Variants in FBN2 observed in about 807,000 individuals in gnomAD.
The protein encoded by FBN2 is fibrillin-2.
In FBN2, 105 loss-of-function variants were observed where a neutral mutation model predicts 355.6. The observed-to-expected ratio is 0.30, with a 90% confidence interval of 0.25 to 0.35. The LOEUF (loss-of-function observed/expected upper bound fraction) is 0.35, where lower values mean the gene tolerates loss of function less well. Ranked by LOEUF, FBN2 falls within the 10% of genes least tolerant of loss-of-function variation. The probability of loss-of-function intolerance (pLI) is 1.00; values close to 1 mark genes in which losing one functional copy is unlikely to be tolerated. For synonymous variants in FBN2, 1,350 were observed against 1,301.2 expected, an observed-to-expected ratio of 1.04 and a Z score of -0.81; for missense variants, 3,280 against 3,758.7, an observed-to-expected ratio of 0.87 and a Z score of 3.33.
intron 7 of FBN2, among the ~76,000 whole-genome samples, chr5:128,445,717 C>T (rs1754046355): frequency 6.6e-6 from 1 of 152,034 alleles, no homozygotes; most frequent in Non-Finnish European, 1.5e-5. Context: ...AAAAGATAAA[C>T]ATTGTATCAA....
chr5:128,283,484 CGGACATGGAGAACTTCCT>C (rs894338003), intron 55 of FBN2, among the ~76,000 whole-genome samples: 6 of 152,186 alleles, frequency 3.9e-5, no homozygotes, highest in Non-Finnish European at 8.8e-5. Flanking sequence ...GGACATCACA[CGGACATGGAGAACTTCCT>C]ATCTTGCTGG....
Position 128,258,390 on chromosome 5 carries a change from AAACAAC to A in FBN2, c.*1059_*1064del, listed in dbSNP as rs886059885. On this transcript the variant is annotated 3_prime_UTR_variant, in exon 65 of 65. Transcript: ENST00000262464. The stretch of plus-strand genomic sequence containing the variant: ...AAATTCTAAAAAAAAAATGGGTTTA[AAACAAC>A]AACAACAACATATATTCCTTGGCTG... 10 of 152,718 alleles carry A rather than the reference AAACAAC, an allele frequency of 6.5e-5. No homozygotes were observed. The highest frequency in any genetic ancestry group is 5.2e-4 in the Admixed American group (8 of 15,302). The allele number at this position is 152,718 out of a possible 1,614,324, so 9.5% of individuals were successfully genotyped here.
Position 128,391,224 on chromosome 5 carries a change from T to C in FBN2, c.1603+794A>G, listed in dbSNP as rs539457544. On this transcript the variant is annotated intron_variant, in intron 11 of 64. Coordinates refer to ENST00000262464, the MANE Select transcript of FBN2 (RefSeq NM_001999.4). ...ATAACCTCAATTATCTGAAAGTCTA[T>C]GCAATATTCCTCTTCTTTTCCATCT... Among the ~76,000 whole-genome samples the C allele has an allele frequency of 1.4e-4, 21 of 152,298 alleles. 1 individual carries two copies. Among genetic ancestry groups the C allele is most frequent in the African/African-American group, 5.1e-4 (21 of 41,572 alleles).
At chr5:128,280,170 A>G (rs1259668542) in intron 56 of FBN2, 22 bp downstream of exon 56, 39 of 1,593,512 alleles carry the variant, frequency 2.4e-5, no homozygotes, top group Non-Finnish European at 3.4e-5. Flanking sequence ...ACCAAGTATA[A>G]TATATTTGGA....
chr5:128,259,909 C>T (rs1764923642), intron 64 of FBN2, 80 bp from the exon 65 acceptor site: 1 of 1,486,488 alleles, frequency 6.7e-7, no homozygotes, highest in Admixed American at 1.7e-5. Flanking sequence ...GCTGCAGGGG[C>T]TTTGGTCACG....
intron 4 of FBN2, among the ~76,000 whole-genome samples, chr5:128,526,196 C>T (rs1756555030): frequency 1.3e-5 from 2 of 151,872 alleles, no homozygotes; most frequent in South Asian, 4.2e-4. Flanking sequence ...ACAATAAGTA[C>T]AACTTCACAT....
intron 62 of FBN2, among the ~76,000 whole-genome samples, chr5:128,264,086 G>C (rs1765054613): frequency 6.6e-6 from 1 of 152,138 alleles, no homozygotes; most frequent in African/African-American, 2.4e-5. Flanking sequence ...TGGAGGTGAT[G>C]AGAATGTTCG....
intron 5 of FBN2, among the ~76,000 whole-genome samples, chr5:128,465,313 G>A (rs561316241): frequency 1.8e-4 from 27 of 152,304 alleles, no homozygotes; most frequent in African/African-American, 6.0e-4. Flanking sequence ...ATGTCACACA[G>A]CACTGGTGGG....
At chr5:128,312,230 A>G (rs1278853541) in intron 37 of FBN2, among the ~76,000 whole-genome samples, 2 of 152,222 alleles carry the variant, frequency 1.3e-5, no homozygotes, top group Non-Finnish European at 2.9e-5. Flanking sequence ...AAGACTAGAG[A>G]AAACAGGCTT....
Position 128,345,410 on chromosome 5 carries a change from C to T in FBN2, c.3164G>A (p.Gly1055Glu). 1 of 1,614,132 alleles carries T rather than the reference C, an allele frequency of 6.2e-7. No individual in the cohort carries two copies. The highest frequency in any genetic ancestry group is 8.5e-7 in the Non-Finnish European group (1 of 1,180,026). Residue 1055 changes from glycine to glutamate, a missense_variant, in exon 24 of 65, where the codon GGG (glycine) becomes GAG (glutamate). This residue lies in a region of FBN2 where 2,284 missense variants were observed against 2,749.5 expected (regional missense o/e 0.83). Coordinates refer to ENST00000262464, the MANE Select transcript of FBN2 (RefSeq NM_001999.4). ...TKEYETLCPR[G>E]AGFANRGDVL... Reference sequence around the variant, plus strand: ...ATCCCCTCGGTTAGCAAAGCCAGCCCCGCGGGGGCACAGCGTCTCGTATTC... The same window carrying T: ...ATCCCCTCGGTTAGCAAAGCCAGCCTCGCGGGGGCACAGCGTCTCGTATTC...
At chr5:128,340,796 GCTCT>G (rs1255414810) in intron 25 of FBN2, among the ~76,000 whole-genome samples, 2 of 151,608 alleles carry the variant, frequency 1.3e-5, no homozygotes, top group South Asian at 2.1e-4. Flanking sequence ...CATAGAAAGT[GCTCT>G]CTCTTTCTCT....
intron 17 of FBN2, 100 bp downstream of exon 17, chr5:128,366,274 ATAC>A (rs1751764937): frequency 1.4e-5 from 8 of 589,218 alleles, no homozygotes; most frequent in East Asian, 6.3e-5. Context: ...TTATTTTATA[ATAC>A]TACATTTTCA....
chr5:128,528,634 G>C (rs567439059), intron 3 of FBN2, among the ~76,000 whole-genome samples: 1 of 152,270 alleles, frequency 6.6e-6, no homozygotes, highest in African/African-American at 2.4e-5. Flanking sequence ...AGATTCCTGT[G>C]GTTAAAAAGA....
intron 7 of FBN2, among the ~76,000 whole-genome samples, chr5:128,416,779 T>C (rs913553851): frequency 6.6e-6 from 1 of 152,210 alleles, no homozygotes; most frequent in African/African-American, 2.4e-5. Flanking sequence ...GCAAGTATCA[T>C]GCTGTTTTGG....
chr5:128,427,965 T>TC (rs1372608832), intron 7 of FBN2, among the ~76,000 whole-genome samples: 11 of 152,222 alleles, frequency 7.2e-5, no homozygotes, highest in Admixed American at 7.2e-4. Flanking sequence ...ACAGATGTTC[T>TC]CCATCTCAGT....
At position 128,318,956 on chromosome 5, in the gene FBN2, C is replaced by T; in HGVS notation, c.4517G>A (p.Cys1506Tyr). The change falls in exon 35 of 65, where the codon TGT becomes TAT. Residue 1506 changes from cysteine to tyrosine, a missense_variant. Coordinates refer to ENST00000262464, the MANE Select transcript of FBN2 (RefSeq NM_001999.4). ...SFQNICVFGT[C>Y]NNLPGMFHCI... ...ATGAAACATTCCAGGCAGGTTATTA[C>T]ATGTTCCAAAGACACAAATGTTTTG... is the stretch of plus-strand genomic sequence containing the variant. 1 of 1,612,140 alleles carries T rather than the reference C, an allele frequency of 6.2e-7. No individual in the cohort carries two copies.
Position 128,286,824 on chromosome 5 carries a change from T to G in FBN2, c.6906A>C (p.Leu2302Phe). The change falls in exon 55 of 65, where the codon TTA becomes TTC. Residue 2302 changes from leucine to phenylalanine, a missense_variant. Around this residue, in one of 6 missense-constraint regions of FBN2, gnomAD observed 2,284 missense variants for 2,749.5 expected, o/e 0.83. Transcript: ENST00000262464. ...TCATGCCCCTAGATTCACAGTCGTG[T>G]AACCCTTCAGCACATTCATCCAGAT... Reference protein sequence around the residue: ...CKDLDECAEGLHDCESRGMMC... With the variant: ...CKDLDECAEGFHDCESRGMMC... 6.2e-7 allele frequency: 1 copy of G among 1,614,118 alleles called. No homozygotes were observed. The highest frequency in any genetic ancestry group is 8.5e-7 in the Non-Finnish European group (1 of 1,179,926).
intron 2 of FBN2, among the ~76,000 whole-genome samples, chr5:128,532,154 C>T (rs1239446978): frequency 6.6e-6 from 1 of 152,168 alleles, no homozygotes; most frequent in Non-Finnish European, 1.5e-5. Context: ...TGGTATCTGA[C>T]CTACCCTGTG....
intron 16 of FBN2, among the ~76,000 whole-genome samples, chr5:128,368,465 T>TATATATATATAC (rs1751839502): frequency 7.8e-6 from 1 of 128,212 alleles, no homozygotes; most frequent in East Asian, 2.1e-4. Context: ...CACATATATA[T>TATATATATATAC]ACATATATAT....
Sources: gnomAD v4.1 joint callset for allele counts (sites outside exome capture counted in the v4.1 genomes callset) on GRCh38, gnomAD v4.1.1 for gene constraint, gnomAD v4.1.1 regional missense constraint, MANE v1.5 for transcripts, NCBI Gene and HGNC (gene_info 2026-07-23, HGNC 2026-07-21) for gene names.